The following LRRC37A variants were observed in gnomAD, a reference collection of about 807,000 sequenced individuals.
LRRC37A encodes leucine rich repeat containing 37A.
Under a neutral mutation model 35.4 loss-of-function variants are expected in LRRC37A, and 3 were observed. The ratio of observed to expected loss-of-function variants is 0.08; its 90% CI spans 0.04 to 0.22. The LOEUF (loss-of-function observed/expected upper bound fraction) is 0.22. LRRC37A is among the 10% of genes least tolerant of loss of function. The pLI is 1.00. For missense variants in LRRC37A, 67 were observed against 565.3 expected, an observed-to-expected ratio of 0.12 and a Z score of 8.94; for synonymous variants, 23 against 215.0, an observed-to-expected ratio of 0.11 and a Z score of 7.81.
At chr17:46,284,068 C>T in the LRRC37A span, among the ~76,000 whole-genome samples, 1 of 152,240 alleles carries the variant, frequency 6.6e-6, no homozygotes, top group Non-Finnish European at 1.5e-5. Context: ...ATTCCATTGC[C>T]CAGGGACGGG....
chr17:46,251,165 T>C, the LRRC37A span, among the ~76,000 whole-genome samples: 1 of 152,218 alleles, frequency 6.6e-6, no homozygotes, highest in African/African-American at 2.4e-5. Flanking sequence ...TAATTCTGCT[T>C]ACCTTAGTCC....
At chr17:46,285,103 A>G in the LRRC37A span, among the ~76,000 whole-genome samples, 3 of 152,168 alleles carry the variant, frequency 2.0e-5, no homozygotes, top group Non-Finnish European at 4.4e-5. Context: ...TAATTGACTC[A>G]AGTGATCCTC....
the LRRC37A span, among the ~76,000 whole-genome samples, chr17:46,271,868 C>T: frequency 0.11 from 15,272 of 143,288 alleles, 1 homozygote; most frequent in Middle Eastern, 0.17. Context: ...TTCAAGCCAT[C>T]CTCCCACCTC....
the LRRC37A span, among the ~76,000 whole-genome samples, chr17:46,272,680 T>G: frequency 6.6e-6 from 1 of 152,332 alleles, no homozygotes; most frequent in Non-Finnish European, 1.5e-5. Context: ...CCTCCCAAAG[T>G]GCTGGGGTTA....
the LRRC37A span, among the ~76,000 whole-genome samples, chr17:46,254,377 C>T: frequency 2.7e-5 from 4 of 149,808 alleles, no homozygotes; most frequent in East Asian, 5.9e-4. Context: ...AACTGGAAGC[C>T]GAGGCTGGCC....
At chr17:46,266,972 C>A in the LRRC37A span, 1 of 154,964 alleles carries the variant, frequency 6.5e-6, no homozygotes, top group South Asian at 1.8e-4. Flanking sequence ...CCCTGCCCAC[C>A]CCAACCGGCC....
the LRRC37A span, among the ~76,000 whole-genome samples, chr17:46,281,754 G>A: frequency 4.0e-5 from 6 of 151,708 alleles, no homozygotes; most frequent in East Asian, 1.9e-4. Context: ...AGCAATTCTC[G>A]TGCCTCAGCC....
chr17:46,317,102 G>C (rs1323933956), intron 5 of LRRC37A, among the ~76,000 whole-genome samples: 1 of 85,914 alleles, frequency 1.2e-5, no homozygotes, highest in Non-Finnish European at 3.5e-5. Flanking sequence ...TTGTCATCAT[G>C]GCCCGTTCTC....
At chr17:46,253,484 C>T in the LRRC37A span, among the ~76,000 whole-genome samples, 1 of 152,166 alleles carries the variant, frequency 6.6e-6, no homozygotes, top group Admixed American at 6.5e-5. Context: ...AACGAGACTC[C>T]GTCTGCAATC....
the LRRC37A span, among the ~76,000 whole-genome samples, chr17:46,248,746 C>T: frequency 1.3e-5 from 2 of 152,080 alleles, no homozygotes; most frequent in East Asian, 3.9e-4. Context: ...TTTGGAAGTC[C>T]TGACCTCAAG....
the LRRC37A span, chr17:46,267,498 C>A: frequency 2.3e-5 from 37 of 1,612,414 alleles, no homozygotes; most frequent in Non-Finnish European, 3.1e-5. Context: ...TGCAATAAAC[C>A]GTGTCCAGAG....
the LRRC37A span, among the ~76,000 whole-genome samples, chr17:46,277,198 C>T: frequency 8.5e-5 from 13 of 152,188 alleles, no homozygotes; most frequent in Non-Finnish European, 1.5e-4. Flanking sequence ...TATTAAAAAG[C>T]TACATAAAAT....
chr17:46,253,273 G>T, the LRRC37A span, among the ~76,000 whole-genome samples: 1 of 141,382 alleles, frequency 7.1e-6, no homozygotes, highest in Non-Finnish European at 1.6e-5. Flanking sequence ...ATGGGATGGC[G>T]GCCGGGCAGA....
chr17:46,280,885 C>T, the LRRC37A span, among the ~76,000 whole-genome samples: 12,044 of 140,280 alleles, frequency 0.086, no homozygotes, highest in Middle Eastern at 0.14. Context: ...CAATAGCACA[C>T]GCTTTTAAAA....
chr17:46,275,566 A>C, the LRRC37A span: 2 of 501,334 alleles, frequency 4.0e-6, no homozygotes, highest in Non-Finnish European at 7.4e-6. Context: ...ACGATTAAGA[A>C]ATTTTTAACC....
At chr17:46,280,098 C>T in the LRRC37A span, among the ~76,000 whole-genome samples, 99 of 152,302 alleles carry the variant, frequency 6.5e-4, 1 homozygote, top group African/African-American at 2.3e-3. Flanking sequence ...TCTGGCCAGG[C>T]GCGGTGGCTC....
At chr17:46,273,451 C>T in the LRRC37A span, among the ~76,000 whole-genome samples, 4 of 152,202 alleles carry the variant, frequency 2.6e-5, no homozygotes. Flanking sequence ...AACCTGTACA[C>T]CTGAGCCTGT....
chr17:46,332,456 A>C (rs1435673521), intron 9 of LRRC37A, 96 bp from the exon 10 acceptor site: 1 of 497,028 alleles, frequency 2.0e-6, no homozygotes, highest in East Asian at 5.5e-5. Context: ...TCTTTCAAAA[A>C]AATAAAAAAG....
the LRRC37A span, among the ~76,000 whole-genome samples, chr17:46,273,255 CT>C: frequency 7.2e-5 from 11 of 152,240 alleles, no homozygotes; most frequent in Admixed American, 3.9e-4. Context: ...CAATATGTAA[CT>C]TTTTTTAAAA....
Sources: gnomAD v4.1 joint callset for allele counts (sites outside exome capture counted in the v4.1 genomes callset) on GRCh38, gnomAD v4.1.1 for gene constraint, MANE v1.5 for transcripts, NCBI Gene and HGNC (gene_info 2026-07-23, HGNC 2026-07-21) for gene names.